The following MSI2 variants were observed in gnomAD, a reference collection of about 807,000 sequenced individuals.
The protein encoded by MSI2 is RNA-binding protein Musashi homolog 2.
A neutral mutation model predicts 45.6 loss-of-function variants in MSI2; 17 were observed. The observed-to-expected ratio is 0.37, with a 90% confidence interval of 0.26 to 0.56. The LOEUF (loss-of-function observed/expected upper bound fraction) is 0.56. Among genes scored for constraint, MSI2 ranks in the 20% least tolerant of loss-of-function variants. The pLI is 0.77. For missense variants in MSI2, 293 were observed against 444.2 expected (o/e 0.66, Z 3.06); for synonymous variants, 156 against 158.2 (o/e 0.99, Z 0.11).
chr17:57,472,716 A>G (rs550673827), intron 6 of MSI2, among the ~76,000 whole-genome samples: 1 of 152,220 alleles, frequency 6.6e-6, no homozygotes, highest in African/African-American at 2.4e-5. Context: ...GCTGTGTGAA[A>G]CACTCAGCGT....
Position 57,641,100 on chromosome 17 carries a change from C to A in MSI2, c.728-10999C>A, listed in dbSNP as rs538813423. Among the ~76,000 whole-genome samples the A allele has an allele frequency of 4.9e-4, 74 of 152,296 alleles. 1 individual carries two copies. The South Asian group carries it at 0.015, about 32-fold the overall frequency. On this transcript the variant is annotated intron_variant, in intron 10 of 13. Transcript: ENST00000284073. ...CCATGCTGGGCTCTCCCCTGAGACT[C>A]CCTGACTGCTCCACAGTCTAGCAGT...
intron 10 of MSI2, among the ~76,000 whole-genome samples, chr17:57,638,416 A>T (rs1033768902): frequency 6.6e-6 from 1 of 152,188 alleles, no homozygotes; most frequent in Non-Finnish European, 1.5e-5. Flanking sequence ...GCAAGGGTGC[A>T]AGGAATTCAG....
At chr17:57,487,037 T>A (rs2085768258) in intron 6 of MSI2, among the ~76,000 whole-genome samples, 1 of 152,224 alleles carries the variant, frequency 6.6e-6, no homozygotes, top group African/African-American at 2.4e-5. Context: ...AGCTGCCATC[T>A]GAGCTTCACT....
intron 9 of MSI2, among the ~76,000 whole-genome samples, chr17:57,621,475 A>C (rs1598462266): frequency 6.6e-6 from 1 of 152,248 alleles, no homozygotes; most frequent in Non-Finnish European, 1.5e-5. Flanking sequence ...GTACCTACTA[A>C]GTGCCAGGCA....
At chr17:57,585,126 A>G (rs1390984141) in intron 7 of MSI2, among the ~76,000 whole-genome samples, 3 of 152,102 alleles carry the variant, frequency 2.0e-5, no homozygotes, top group African/African-American at 7.2e-5. Context: ...CAGCCCTCTT[A>G]GGGTCTTTTA....
intron 6 of MSI2, among the ~76,000 whole-genome samples, chr17:57,495,892 A>G (rs1311702996): frequency 1.3e-5 from 2 of 152,232 alleles, no homozygotes; most frequent in South Asian, 2.1e-4. Context: ...CAATTAGAAT[A>G]CAGTTATATA....
At chr17:57,676,177 C>T (rs1567972922) in intron 12 of MSI2, among the ~76,000 whole-genome samples, 1 of 152,244 alleles carries the variant, frequency 6.6e-6, no homozygotes, top group Non-Finnish European at 1.5e-5. Context: ...CCAAGGTGGC[C>T]TCATTCATGC....
At chr17:57,559,371 G>A (rs1233669934) in intron 7 of MSI2, among the ~76,000 whole-genome samples, 2 of 152,190 alleles carry the variant, frequency 1.3e-5, no homozygotes, top group African/African-American at 2.4e-5. Context: ...ATCCGCTCCC[G>A]CCTTGAGGAT....
chr17:57,358,207 GT>G (rs1916579738), intron 5 of MSI2, among the ~76,000 whole-genome samples: 2 of 148,400 alleles, frequency 1.3e-5, no homozygotes, highest in South Asian at 4.3e-4. Flanking sequence ...GTGGGGGGGT[GT>G]GTGTGTGTGT....
chr17:57,429,608 A>C (rs1415185062), intron 6 of MSI2, among the ~76,000 whole-genome samples: 1 of 151,392 alleles, frequency 6.6e-6, no homozygotes, highest in Non-Finnish European at 1.5e-5. Flanking sequence ...GCATGCCTGG[A>C]CTCCCACCTC....
At chr17:57,636,914 T>G (rs1387334707) in intron 10 of MSI2, among the ~76,000 whole-genome samples, 1 of 152,164 alleles carries the variant, frequency 6.6e-6, no homozygotes, top group Admixed American at 6.5e-5. Flanking sequence ...TAGGCTGCCA[T>G]AAGCATGGAC....
chr17:57,379,866 G>A (rs1041927138), intron 5 of MSI2, among the ~76,000 whole-genome samples: 3 of 152,172 alleles, frequency 2.0e-5, no homozygotes, highest in African/African-American at 7.2e-5. Context: ...CGAATACGGT[G>A]ACTCCCCACC....
intron 5 of MSI2, chr17:57,264,257 C>A (rs761379306): frequency 1.3e-5 from 2 of 152,032 alleles, no homozygotes; most frequent in East Asian, 1.9e-4. Context: ...CTTCCTTGAA[C>A]CTTCGTTTTT....
intron 5 of MSI2, among the ~76,000 whole-genome samples, chr17:57,390,025 G>C (rs577281483): frequency 5.8e-4 from 87 of 150,182 alleles, no homozygotes; most frequent in African/African-American, 1.7e-3. Context: ...ATCACTTGAA[G>C]CCAGGAGCTT....
chr17:57,392,551 G>A (rs1021708976), intron 5 of MSI2, among the ~76,000 whole-genome samples: 6 of 152,188 alleles, frequency 3.9e-5, no homozygotes, highest in Non-Finnish European at 8.8e-5. Flanking sequence ...GCTATTTAGA[G>A]GGAAGGCCAA....
At chr17:57,256,908 T>TCTCCCGCGCGCCCCCCCCC in intron 1 of MSI2, 104 bp downstream of exon 1, 1 of 213,240 alleles carries the variant, frequency 4.7e-6, no homozygotes, top group Admixed American at 1.8e-4. Flanking sequence ...CCCCCCCGCC[T>TCTCCCGCGCGCCCCCCCCC]CTCCCGCGCG....
intron 7 of MSI2, among the ~76,000 whole-genome samples, chr17:57,561,802 T>G (rs1323335741): frequency 6.6e-6 from 1 of 152,136 alleles, no homozygotes; most frequent in Non-Finnish European, 1.5e-5. Flanking sequence ...ATGAGAACTT[T>G]AGAGGCCTGG....
chr17:57,568,412 A>G (rs1005263965), intron 7 of MSI2, among the ~76,000 whole-genome samples: 1 of 152,146 alleles, frequency 6.6e-6, no homozygotes, highest in African/African-American at 2.4e-5. Flanking sequence ...CAGTGGCACA[A>G]TCCTGTCTCA....
rs113456153 is a variant in MSI2 at position 57,683,691 on chromosome 17, C to G, written c.*4174C>G. On this transcript the variant is annotated 3_prime_UTR_variant, in exon 14 of 14. Coordinates refer to ENST00000284073, the MANE Select transcript of MSI2 (RefSeq NM_138962.4). The surrounding 1 kb of genome is among the most constrained non-coding windows in gnomAD (Gnocchi z 5.2). ...GGAGGGGAGATTTTTTTTTTTTTTT[C>G]TTGAATGTGCTTCGCAAGCCAGGCT... The G allele has an allele frequency of 5.2e-6, 1 of 191,802 alleles. No individual in the cohort carries two copies. The highest frequency in any genetic ancestry group is 1.0e-5 in the Non-Finnish European group (1 of 99,168). The allele number at this position is 191,802 out of a possible 1,614,324, so 11.9% of individuals were successfully genotyped here.
Sources: allele counts gnomAD v4.1 joint callset (sites outside exome capture counted in the v4.1 genomes callset), GRCh38; gene constraint gnomAD v4.1.1; non-coding constraint Gnocchi (gnomAD v3.1); transcripts MANE v1.5; gene names NCBI Gene and HGNC (gene_info 2026-07-23, HGNC 2026-07-21).